PEG3: variants seen among roughly 807,000 people sequenced by gnomAD.
The protein encoded by PEG3 is paternally-expressed gene 3 protein.
A neutral mutation model predicts 35.5 loss-of-function variants in PEG3; 23 were observed. The ratio of observed to expected loss-of-function variants is 0.65; its 90% CI spans 0.47 to 0.92. The LOEUF is 0.92. Among genes scored for constraint, PEG3 ranks in the 40% least tolerant of loss-of-function variants. PEG3 has a pLI of 0.00. For synonymous variants in PEG3, 707 were observed against 697.0 expected, an observed-to-expected ratio of 1.01 and a Z score of -0.23; for missense variants, 1,960 against 1,985.3, an observed-to-expected ratio of 0.99 and a Z score of 0.24.
chr19:56,817,704 A>G (rs111436799), intron 9 of PEG3, 42 bp downstream of exon 9: 1 of 1,579,642 alleles, frequency 6.3e-7, no homozygotes, highest in Non-Finnish European at 8.7e-7. Context: ...ATAGCATCTC[A>G]CTGGTTGTGT....
chr19:56,839,903 A>C (rs1027536027), intron 1 of PEG3, among the ~76,000 whole-genome samples: 5 of 152,224 alleles, frequency 3.3e-5, no homozygotes, highest in African/African-American at 4.8e-5. Flanking sequence ...CCAACCAACC[A>C]AGGCAGCTCC....
At position 56,823,592 on chromosome 19, in the gene PEG3, C is replaced by A; in HGVS notation, c.481+1G>T. 6.2e-7 allele frequency: 1 copy of A among 1,614,140 alleles called. No individual in the cohort carries two copies. Among genetic ancestry groups the A allele is most frequent in the Non-Finnish European group, 8.5e-7 (1 of 1,180,022 alleles). On this transcript the variant is annotated splice_donor_variant, in intron 5 of 9. Coordinates refer to ENST00000326441, the MANE Select transcript of PEG3 (RefSeq NM_006210.3). LOFTEE classifies it high-confidence loss of function. ...GACCAGTGGGGATGGGTACTCACCA[C>A]TGAAAGAATGGACTGAGTGAGGTGG...
At position 56,814,935 on chromosome 19, in the gene PEG3, C is replaced by T. The variant is rs1420360837; in HGVS notation, c.3507G>A (p.Gly1169=). ...GGAATGAGCTATGAATAAAAGATTC[C>T]CCACACTTTGGACATTCATACAGCT... ...GEQLYECPKC[G]ESFIHSSFLF... is the part of the protein sequence containing the mutation. Residue 1169 remains glycine (G), a synonymous_variant, in exon 10 of 10, where the codon GGG becomes GGA. Coordinates refer to ENST00000326441, the MANE Select transcript of PEG3 (RefSeq NM_006210.3). This position sits in a 1 kb window ranked among gnomAD's most constrained non-coding sequence, Gnocchi z 5.8. 2 of 1,613,990 alleles carry T rather than the reference C, an allele frequency of 1.2e-6. No homozygotes were observed. The highest frequency in any genetic ancestry group is 1.7e-6 in the Non-Finnish European group (2 of 1,180,014).
At position 56,816,872 on chromosome 19, in the gene PEG3, G is replaced by A. The variant is rs762568322; in HGVS notation, c.1570C>T (p.Arg524Trp). The change falls in exon 10 of 10, where the codon CGG (arginine) becomes TGG (tryptophan). Residue 524 changes from arginine (R) to tryptophan (W), a missense_variant. Coordinates refer to ENST00000326441, the MANE Select transcript of PEG3 (RefSeq NM_006210.3). Reference sequence around the variant, plus strand: ...AGATAACCTCTAGCATGAATCTTCCGATGTTCAGCCAAGGCGGCACTCTTA... The same window carrying A: ...AGATAACCTCTAGCATGAATCTTCCAATGTTCAGCCAAGGCGGCACTCTTA... The part of the protein sequence containing the change: ...FNKSAALAEH[R>W]KIHARGYLVE... 6.8e-6 allele frequency: 11 copies of A among 1,614,044 alleles called. No individual in the cohort carries two copies. The highest frequency in any genetic ancestry group is 1.3e-5 in the African/African-American group (1 of 75,020).
chr19:56,828,087 G>A (rs774900729), intron 2 of PEG3, among the ~76,000 whole-genome samples: 2 of 152,166 alleles, frequency 1.3e-5, no homozygotes, highest in Non-Finnish European at 2.9e-5. Flanking sequence ...AAAACTACCA[G>A]TAGAGGCCTT....
Position 56,817,695 on chromosome 19 carries a change from T to C in PEG3, c.862+51A>G, listed in dbSNP as rs1446561466. On this transcript the variant is annotated intron_variant, in intron 9 of 9. Coordinates refer to ENST00000326441, the MANE Select transcript of PEG3 (RefSeq NM_006210.3). ...AATGCAAAGTGTAGAAGTTCCTTGA[T>C]AGCATCTCACTGGTTGTGTGGCTCC... The C allele has an allele frequency of 3.8e-6, 6 of 1,565,128 alleles. No individual in the cohort carries two copies. The Admixed American group carries it at 5.0e-5, about 13-fold the overall frequency.
chr19:56,825,746 G>GA (rs1049486945), intron 3 of PEG3, among the ~76,000 whole-genome samples: 32 of 151,518 alleles, frequency 2.1e-4, no homozygotes, highest in African/African-American at 6.3e-4. Context: ...TTCCAGAGAA[G>GA]AAAAAAAACC....
intron 1 of PEG3, among the ~76,000 whole-genome samples, chr19:56,837,714 C>A (rs1393786011): frequency 2.0e-5 from 3 of 152,226 alleles, no homozygotes; most frequent in Non-Finnish European, 2.9e-5. Flanking sequence ...GCAAAGATGG[C>A]ACAGAATGAA....
chr19:56,827,598 A>G (rs1287057662), intron 2 of PEG3, among the ~76,000 whole-genome samples: 6 of 152,236 alleles, frequency 3.9e-5, no homozygotes, highest in Non-Finnish European at 7.3e-5. Flanking sequence ...ATCAAAATTA[A>G]AAGTGCACAT....
In PEG3 at chr19:56,817,159, A is replaced by AGTG. The variant is rs2060052586; in HGVS notation, c.1282_1283insCAC (p.Val428delinsAlaLeu). 1 of 1,614,064 alleles carries AGTG rather than the reference A, an allele frequency of 6.2e-7. No homozygotes were observed. Among genetic ancestry groups the AGTG allele is most frequent in the South Asian group, 1.1e-5 (1 of 91,092 alleles). On this transcript the variant is annotated protein_altering_variant, in exon 10 of 10. Coordinates refer to ENST00000326441, the MANE Select transcript of PEG3 (RefSeq NM_006210.3). ...GGAGCTGAGGCTGCTCAGGCTGCTC[A>AGTG]CGCTCATGGCTTTTCTCATCTCACT...
In PEG3 at chr19:56,810,253, T is replaced by C; in HGVS notation, c.*3422A>G. The C allele has an allele frequency of 1.0e-6, 1 of 983,740 alleles. No homozygotes were observed. Among genetic ancestry groups the C allele is most frequent in the Non-Finnish European group, 1.2e-6 (1 of 828,398 alleles). 60.9% of individuals were successfully genotyped at this position (983,740 alleles called of 1,614,324 possible). A position where few individuals can be genotyped will look rare whatever the true frequency, so the allele number is the denominator to read the frequency against. On this transcript the variant is annotated 3_prime_UTR_variant, in exon 10 of 10. Transcript: ENST00000326441. Reference sequence around the variant, plus strand: ...GGTGAGTTTCTCTTCTACATTTCTGTAACTTCAAAGTTTCTATAATGAACA... The same window carrying C: ...GGTGAGTTTCTCTTCTACATTTCTGCAACTTCAAAGTTTCTATAATGAACA...
rs183905600 is a variant in PEG3, at chr19:56,815,520, A to G, written c.2922T>C (p.Cys974=). The G allele has an allele frequency of 4.3e-6, 7 of 1,614,080 alleles. No individual in the cohort carries two copies. The East Asian group carries it at 6.7e-5, about 15-fold the overall frequency. Residue 974 remains cysteine (C), a synonymous_variant, in exon 10 of 10, where the codon TGT becomes TGC. Transcript: ENST00000326441. ...CAGAGCTATGAGCAAAGCACTCCCC[A>G]CACTCCTGACATTCATAGAGCATCC... ...PRGMLYECQE[C]GECFAHSSDL...
chr19:56,834,144 T>C (rs796752203), intron 2 of PEG3, among the ~76,000 whole-genome samples: 4 of 152,282 alleles, frequency 2.6e-5, no homozygotes, highest in African/African-American at 9.6e-5. Context: ...CTAATAACAA[T>C]AATTGGCTCA....
Position 56,816,949 on chromosome 19 carries a change from C to G in PEG3, c.1493G>C (p.Ser498Thr). 2 of 1,614,198 alleles carry G rather than the reference C, an allele frequency of 1.2e-6. No individual in the cohort carries two copies. The change falls in exon 10 of 10, where the codon AGT (serine) becomes ACT (threonine). Residue 498 changes from serine (S) to threonine (T), a missense_variant. Ser to Thr is a moderately conservative substitution (Grantham distance 58, BLOSUM62 1). Transcript: ENST00000326441. Reference protein sequence around the residue: ...HSVAVSEVQKSQVGGKRFECK... With the variant: ...HSVAVSEVQKTQVGGKRFECK... ...TTCAAAACGTTTCCCTCCAACCTGA[C>G]TTTTCTGAACTTCACTGACAGCCAC...
At chr19:56,833,020 G>A in intron 2 of PEG3, 1 of 375,280 alleles carries the variant, frequency 2.7e-6, no homozygotes, top group South Asian at 2.0e-5. Context: ...CCAGAAGTCA[G>A]GGAAGATCCA....
Position 56,833,091 on chromosome 19 carries a change from A to C in PEG3, c.-163+2927T>G. ...ACTGAGCAGGGAAGAACTTAATGAAAGAACACATCATGCACTAGAAAGCGT... is the reference window on the plus strand; with the variant it reads ...ACTGAGCAGGGAAGAACTTAATGAACGAACACATCATGCACTAGAAAGCGT... On this transcript the variant is annotated intron_variant, in intron 2 of 9. Transcript: ENST00000326441. 3 of 496,136 alleles carry C rather than the reference A, an allele frequency of 6.0e-6. No individual in the cohort carries two copies. In the Admixed American group the frequency reaches 6.2e-5, roughly 10 times the overall value. The allele number at this position is 496,136 out of a possible 1,614,324, so 30.7% of individuals were successfully genotyped here. A position where few individuals can be genotyped will look rare whatever the true frequency, so the allele number is the denominator to read the frequency against.
At position 56,816,955 on chromosome 19, in the gene PEG3, T is replaced by G. The variant is rs1002706174; in HGVS notation, c.1487A>C (p.Gln496Pro). The change falls in exon 10 of 10, where the codon CAG (glutamine) becomes CCG (proline). Residue 496 changes from glutamine to proline, a missense_variant. Around this residue, in one of 5 missense-constraint regions of PEG3, gnomAD observed 798 missense variants for 782.4 expected, o/e 1.02. Coordinates refer to ENST00000326441, the MANE Select transcript of PEG3 (RefSeq NM_006210.3). Reference sequence around the variant, plus strand: ...ACGTTTCCCTCCAACCTGACTTTTCTGAACTTCACTGACAGCCACACTGTG... The same window carrying G: ...ACGTTTCCCTCCAACCTGACTTTTCGGAACTTCACTGACAGCCACACTGTG... ...FIHSVAVSEVQKSQVGGKRFE... is the reference protein window; with the variant it reads ...FIHSVAVSEVPKSQVGGKRFE... 2 of 1,614,202 alleles carry G rather than the reference T, an allele frequency of 1.2e-6. No individual in the cohort carries two copies. Among genetic ancestry groups the G allele is most frequent in the Admixed American group, 1.7e-5 (1 of 60,020 alleles).
At chr19:56,823,363 A>C (rs1029498299) in intron 5 of PEG3, among the ~76,000 whole-genome samples, 4 of 152,322 alleles carry the variant, frequency 2.6e-5, no homozygotes, top group African/African-American at 9.6e-5. Context: ...ATAGCTTTAT[A>C]TACTTTATCG....
intron 2 of PEG3, among the ~76,000 whole-genome samples, chr19:56,831,304 A>C (rs1211616215): frequency 6.6e-6 from 1 of 152,226 alleles, no homozygotes; most frequent in African/African-American, 2.4e-5. Context: ...ATTTATAATA[A>C]AGGACTGGAA....
Sources: allele counts gnomAD v4.1 joint callset (sites outside exome capture counted in the v4.1 genomes callset), GRCh38; gene constraint gnomAD v4.1.1; regional missense constraint gnomAD v4.1.1; non-coding constraint Gnocchi (gnomAD v3.1); transcripts MANE v1.5; gene names NCBI Gene and HGNC (gene_info 2026-07-23, HGNC 2026-07-21).